NOL4L: variants seen among roughly 807,000 people sequenced by gnomAD.
The protein encoded by NOL4L is nucleolar protein 4 like.
NOL4L carries 7 observed loss-of-function variants against 64.5 expected under a neutral mutation model. That is an observed-to-expected ratio of 0.11 (90% confidence interval 0.06 to 0.20). The LOEUF (loss-of-function observed/expected upper bound fraction) is 0.20. NOL4L is among the 10% of genes least tolerant of loss of function. The probability of loss-of-function intolerance (pLI) is 1.00; values close to 1 mark genes in which losing one functional copy is unlikely to be tolerated. For synonymous variants in NOL4L, 413 were observed against 401.0 expected (o/e 1.03, Z -0.36); for missense variants, 680 against 967.1 (o/e 0.70, Z 3.94).
In NOL4L at chr20:32,472,483, A is replaced by G. The variant is rs145816104; in HGVS notation, c.841+2118T>C. Among the ~76,000 whole-genome samples the G allele has an allele frequency of 5.4e-3, 825 of 152,280 alleles. 7 individuals are homozygous for G. The highest frequency in any genetic ancestry group is 0.019 in the African/African-American group (797 of 41,540). ...GGCTGTCCCTGCCTAGTCCTGCGTC[A>G]ATAACAGGGGCCTGAGAGTGCTCTG... On this transcript the variant is annotated intron_variant, in intron 5 of 10. Transcript: ENST00000621426.
At chr20:32,448,398 G>A (rs548946352) in intron 10 of NOL4L, among the ~76,000 whole-genome samples, 1 of 152,336 alleles carries the variant, frequency 6.6e-6, no homozygotes, top group South Asian at 2.1e-4. Context: ...CAAGAAAGGG[G>A]CTTCTGTCCA....
At chr20:32,562,345 C>T (rs115251342) in intron 1 of NOL4L, among the ~76,000 whole-genome samples, 2,078 of 152,278 alleles carry the variant, frequency 0.014, 50 homozygotes, top group African/African-American at 0.048. Context: ...AAAATCAGAC[C>T]TCAACGCCGC....
intron 1 of NOL4L, among the ~76,000 whole-genome samples, chr20:32,557,497 G>A (rs1978734743): frequency 3.9e-5 from 6 of 152,248 alleles, no homozygotes. Context: ...CATGCCCAGT[G>A]CTCCAGCAGG....
At chr20:32,520,396 T>G (rs981390400) in intron 3 of NOL4L, 10 of 154,752 alleles carry the variant, frequency 6.5e-5, no homozygotes, top group African/African-American at 2.4e-4. Flanking sequence ...CATTAACAGG[T>G]ATGTGGGTGG....
rs1250510235 is a variant in NOL4L, at chr20:32,474,752, G to A, written c.700-10C>T. 6.3e-7 allele frequency: 1 copy of A among 1,599,668 alleles called. No individual in the cohort carries two copies. The highest frequency in any genetic ancestry group is 2.3e-5 in the East Asian group (1 of 44,392). The stretch of plus-strand genomic sequence containing the variant: ...TCACAGAAGTCTCATCCTGAGCAGG[G>A]ACAAAGAAGGTGGGCATTCAGCAGG... On this transcript the variant is annotated splice_polypyrimidine_tract_variant and intron_variant, in intron 4 of 10. Transcript: ENST00000621426.
chr20:32,511,578 G>T, intron 3 of NOL4L, 122 bp from the exon 4 acceptor site: 1 of 616,910 alleles, frequency 1.6e-6, no homozygotes, highest in Admixed American at 2.7e-5. Flanking sequence ...ACAGGTCAGA[G>T]GTCGCAGACT....
intron 1 of NOL4L, among the ~76,000 whole-genome samples, chr20:32,532,797 G>C (rs944901383): frequency 6.6e-6 from 1 of 152,172 alleles, no homozygotes; most frequent in Non-Finnish European, 1.5e-5. Context: ...AGGAGTAATG[G>C]AATGGAACCC....
chr20:32,491,100 A>G (rs1217456649), intron 4 of NOL4L, among the ~76,000 whole-genome samples: 1 of 152,232 alleles, frequency 6.6e-6, no homozygotes, highest in African/African-American at 2.4e-5. Flanking sequence ...TGACATGGCA[A>G]TGTACAATAC....
chr20:32,491,060 CCA>C (rs1304098030), intron 4 of NOL4L, among the ~76,000 whole-genome samples: 3 of 152,206 alleles, frequency 2.0e-5, no homozygotes, highest in Non-Finnish European at 4.4e-5. Context: ...AGAGCCACTA[CCA>C]CACACCAGGC....
intron 2 of NOL4L, 86 bp downstream of exon 2, chr20:32,527,672 G>A (rs2018184003): frequency 9.1e-6 from 13 of 1,428,950 alleles, no homozygotes; most frequent in Admixed American, 4.7e-5. Flanking sequence ...TCCCTGCCCC[G>A]CCCCCCAAGC....
intron 3 of NOL4L, among the ~76,000 whole-genome samples, chr20:32,515,024 C>G (rs1600804822): frequency 6.6e-6 from 1 of 152,274 alleles, no homozygotes; most frequent in East Asian, 1.9e-4. Flanking sequence ...ATGGTCGCCC[C>G]TGTCCTGACT....
intron 1 of NOL4L, among the ~76,000 whole-genome samples, chr20:32,530,785 G>C (rs1298534657): frequency 1.3e-5 from 2 of 152,024 alleles, no homozygotes; most frequent in Non-Finnish European, 1.5e-5. Context: ...GCTGGGTGTG[G>C]TGGTGCATGC....
At chr20:32,517,747 C>A (rs1025814548) in intron 3 of NOL4L, among the ~76,000 whole-genome samples, 13 of 152,230 alleles carry the variant, frequency 8.5e-5, no homozygotes, top group Non-Finnish European at 1.3e-4. Flanking sequence ...TAGGCCACGA[C>A]ACGGGCTGGA....
chr20:32,494,980 T>C (rs2016629378), intron 4 of NOL4L, among the ~76,000 whole-genome samples: 1 of 152,210 alleles, frequency 6.6e-6, no homozygotes, highest in African/African-American at 2.4e-5. Context: ...ATGGCAAGGA[T>C]CCCCCACTCC....
intron 6 of NOL4L, among the ~76,000 whole-genome samples, chr20:32,455,617 G>A (rs192680983): frequency 6.6e-6 from 1 of 152,160 alleles, no homozygotes; most frequent in African/African-American, 2.4e-5. Context: ...ACTGGTAGGG[G>A]TACGTACTGT....
intron 4 of NOL4L, chr20:32,510,095 C>T (rs1168247240): frequency 1.8e-5 from 9 of 507,172 alleles, no homozygotes; most frequent in Admixed American, 8.8e-5. Flanking sequence ...TGCCTTTGTG[C>T]GTTGGAAACC....
intron 4 of NOL4L, among the ~76,000 whole-genome samples, chr20:32,507,060 G>A (rs2017168009): frequency 1.3e-5 from 2 of 152,156 alleles, no homozygotes; most frequent in South Asian, 4.1e-4. Flanking sequence ...GCCTCTCTGG[G>A]CCTCGGCTTC....
chr20:32,513,445 G>A (rs2017499998), intron 3 of NOL4L, among the ~76,000 whole-genome samples: 1 of 152,238 alleles, frequency 6.6e-6, no homozygotes, highest in South Asian at 2.1e-4. Context: ...ACTGGGGACT[G>A]GTGGCTGAGG....
chr20:32,452,153 C>T, intron 10 of NOL4L, 83 bp downstream of exon 10: 10 of 1,278,068 alleles, frequency 7.8e-6, no homozygotes, highest in Non-Finnish European at 8.3e-6. Flanking sequence ...GCTTCCCTCT[C>T]CCCATTCCGC....
Sources: allele counts gnomAD v4.1 joint callset (sites outside exome capture counted in the v4.1 genomes callset), GRCh38; gene constraint gnomAD v4.1.1; transcripts MANE v1.5; gene names NCBI Gene and HGNC (gene_info 2026-07-23, HGNC 2026-07-21).